DPY30: variants seen among roughly 807,000 people sequenced by gnomAD.
The protein encoded by DPY30 is dpy-30 histone methyltransferase complex regulatory subunit.
DPY30 carries 6 observed loss-of-function variants against 16.2 expected under a neutral mutation model. That is an observed-to-expected ratio of 0.37 (90% CI 0.20 to 0.73). The LOEUF (loss-of-function observed/expected upper bound fraction) is 0.73. Ranked by LOEUF, DPY30 falls within the 30% of genes least tolerant of loss-of-function variation. DPY30 has a pLI of 0.51. For missense variants in DPY30, 73 were observed against 113.1 expected, an observed-to-expected ratio of 0.65 and a Z score of 1.61; for synonymous variants, 39 against 38.8, an observed-to-expected ratio of 1.00 and a Z score of -0.02.
rs1675466793 is a variant in DPY30 at position 32,029,834 on chromosome 2, G to A, written c.85-98C>T. The A allele has an allele frequency of 3.8e-6, 5 of 1,331,114 alleles. No individual in the cohort carries two copies. The Admixed American group carries it at 9.5e-5, about 25-fold the overall frequency. The allele number at this position is 1,331,114 out of a possible 1,614,324, so 82.5% of individuals were successfully genotyped here. ...TGGAAATATGACACTAATAGAAAAG[G>A]CAAATCAATGACTAGAAAGATGGTA... is the stretch of plus-strand genomic sequence containing the variant. On this transcript the variant is annotated intron_variant, in intron 3 of 4. Transcript: ENST00000342166.
chr2:32,030,909 T>C (rs1054504995), intron 3 of DPY30, among the ~76,000 whole-genome samples: 4 of 152,176 alleles, frequency 2.6e-5, no homozygotes, highest in African/African-American at 9.7e-5. Flanking sequence ...AAATCATTAA[T>C]GTCACACTTA....
At chr2:32,031,204 T>G (rs1209526012) in intron 3 of DPY30, among the ~76,000 whole-genome samples, 1 of 151,860 alleles carries the variant, frequency 6.6e-6, no homozygotes, top group Admixed American at 6.6e-5. Flanking sequence ...ACGCCGACCA[T>G]GAGGTCAGGA....
At chr2:32,037,018 A>G (rs141396439) in intron 3 of DPY30, among the ~76,000 whole-genome samples, 2 of 152,356 alleles carry the variant, frequency 1.3e-5, no homozygotes, top group East Asian at 1.9e-4. Context: ...TTTCAGAAAC[A>G]ATGTCCGCCA....
downstream of DPY30, among the ~76,000 whole-genome samples, chr2:32,020,369 C>G (rs537564213): frequency 2.6e-5 from 4 of 152,050 alleles, no homozygotes; most frequent in Middle Eastern, 3.2e-3. Flanking sequence ...AAAAAATTAG[C>G]CAGGCTCAGC....
At chr2:32,019,986 G>A (rs1675145645), downstream of DPY30, among the ~76,000 whole-genome samples, 1 of 145,582 alleles carries the variant, frequency 6.9e-6, no homozygotes, top group Admixed American at 6.7e-5. Context: ...TGTTAAGATG[G>A]GTTTGAATCC....
At chr2:32,020,233 T>A (rs1675150758), downstream of DPY30, among the ~76,000 whole-genome samples, 6 of 151,658 alleles carry the variant, frequency 4.0e-5, no homozygotes, top group South Asian at 1.0e-3. Context: ...GCACAGTGGC[T>A]CTCACACCTA....
At chr2:32,034,153 C>G (rs539512337) in intron 3 of DPY30, among the ~76,000 whole-genome samples, 17 of 152,214 alleles carry the variant, frequency 1.1e-4, no homozygotes. Context: ...GCCTTCCAGT[C>G]TTCAGGTGAA....
At chr2:32,022,294 T>C (rs1675202676), downstream of DPY30, among the ~76,000 whole-genome samples, 1 of 152,024 alleles carries the variant, frequency 6.6e-6, no homozygotes, top group South Asian at 2.1e-4. Context: ...ACTTATGAGT[T>C]AGCCAAATAA....
chr2:32,026,299 A>C lies in DPY30; in HGVS notation c.228-2043T>G, dbSNP rs542286156. On this transcript the variant is annotated intron_variant, in intron 4 of 4. Coordinates refer to ENST00000342166, the MANE Select transcript of DPY30 (RefSeq NM_001321209.2). ...GTGGCACACGCCTGTAGTCCCACCT[A>C]CTCAGAAGGCTGAGGTGAGAGGATT... Among the ~76,000 whole-genome samples, 17 of 152,184 alleles carry C rather than the reference A, an allele frequency of 1.1e-4. 1 individual carries two copies. Among genetic ancestry groups the C allele is most frequent in the Middle Eastern group, 3.4e-3 (1 of 294 alleles).
At chr2:32,035,066 G>A (rs895573524) in intron 3 of DPY30, among the ~76,000 whole-genome samples, 1 of 150,322 alleles carries the variant, frequency 6.7e-6, no homozygotes, top group Non-Finnish European at 1.5e-5. Flanking sequence ...CCGAGAGCAC[G>A]CCACTACACT....
chr2:32,039,624 A>G (rs978640560), intron 1 of DPY30, 109 bp downstream of exon 1: 7 of 792,904 alleles, frequency 8.8e-6, no homozygotes, highest in Admixed American at 2.2e-5. Context: ...GCAGTAGAGC[A>G]GCAGAGTGGG....
At chr2:32,012,185 C>T (rs1205784492) in intron 5 of DPY30, 1 of 152,228 alleles carries the variant, frequency 6.6e-6, no homozygotes, top group Non-Finnish European at 1.5e-5. Flanking sequence ...TGTTTCCTCT[C>T]CTCCTCCCAC....
chr2:32,015,172 A>G lies in DPY30; in HGVS notation n.378-3120T>C, dbSNP rs1048986699. On this transcript the variant is annotated intron_variant and non_coding_transcript_variant, in intron 5 of 5. Coordinates refer to the DPY30 transcript ENST00000414013. Reference sequence around the variant, plus strand: ...AACTGACCATTTTTAGATTCTACTTATCCACAACTAACAGCTTTAGAAGCA... The same window carrying G: ...AACTGACCATTTTTAGATTCTACTTGTCCACAACTAACAGCTTTAGAAGCA... Among the ~76,000 whole-genome samples the G allele has an allele frequency of 3.9e-5, 6 of 152,248 alleles. No individual in the cohort carries two copies. In the South Asian group the frequency reaches 1.2e-3, roughly 32 times the overall value.
intron 4 of DPY30, among the ~76,000 whole-genome samples, chr2:32,026,476 A>G (rs1024582534): frequency 2.0e-5 from 3 of 152,074 alleles, no homozygotes. Flanking sequence ...AATTTCTTCA[A>G]AAGTTTTTCT....
downstream of DPY30, among the ~76,000 whole-genome samples, chr2:32,021,570 G>A (rs984953253): frequency 8.5e-5 from 12 of 141,578 alleles, no homozygotes; most frequent in African/African-American, 1.2e-4. Flanking sequence ...CCCAGCTACT[G>A]GGGGGTGCTG....
chr2:32,034,124 G>A (rs1489925992), intron 3 of DPY30, among the ~76,000 whole-genome samples: 2 of 152,164 alleles, frequency 1.3e-5, no homozygotes, highest in Non-Finnish European at 2.9e-5. Context: ...GAACTGCACA[G>A]AAAGAGACTA....
Position 32,028,993 on chromosome 2 carries a change from C to T in DPY30, c.227+601G>A, listed in dbSNP as rs557929681. ...AAAAATAAGAATAATAATAATAGGC[C>T]GGGCGCAGTGGCTCATGCCTGTAAT... is the stretch of plus-strand genomic sequence containing the variant. On this transcript the variant is annotated intron_variant, in intron 4 of 4. Coordinates refer to ENST00000342166, the MANE Select transcript of DPY30 (RefSeq NM_001321209.2). 1.1e-3 allele frequency among the ~76,000 whole-genome samples: 162 copies of T among 152,146 alleles called. 1 individual carries two copies. Among genetic ancestry groups the T allele is most frequent in the African/African-American group, 3.5e-3 (147 of 41,512 alleles).
chr2:32,012,666 A>T (rs1214095364), intron 5 of DPY30, among the ~76,000 whole-genome samples: 1 of 151,928 alleles, frequency 6.6e-6, no homozygotes, highest in Non-Finnish European at 1.5e-5. Context: ...TTGAACTCCT[A>T]ACCTCAGGTG....
At chr2:32,014,309 A>C (rs865920462) in intron 5 of DPY30, among the ~76,000 whole-genome samples, 2 of 151,938 alleles carry the variant, frequency 1.3e-5, no homozygotes, top group Non-Finnish European at 2.9e-5. Context: ...ATAGCAAGAC[A>C]AAAAAAAGCT....
Sources: gnomAD v4.1 joint callset for allele counts (sites outside exome capture counted in the v4.1 genomes callset) on GRCh38, gnomAD v4.1.1 for gene constraint, MANE v1.5 for transcripts, NCBI Gene and HGNC (gene_info 2026-07-23, HGNC 2026-07-21) for gene names.